The following KRI1 variants were observed in gnomAD, a reference collection of about 807,000 sequenced individuals.
The protein encoded by KRI1 is KRI1 homolog, also known as protein KRI1 homolog.
KRI1 carries 83 observed loss-of-function variants against 97.0 expected under a neutral mutation model. That is an observed-to-expected ratio of 0.86 (90% CI 0.72 to 1.03). The LOEUF (loss-of-function observed/expected upper bound fraction) is 1.03, where lower values mean the gene tolerates loss of function less well. Among genes scored for constraint, KRI1 ranks in the 50% least tolerant of loss-of-function variants. KRI1 has a pLI of 0.00. For missense variants in KRI1, 916 were observed against 928.4 expected (o/e 0.99, Z 0.17); for synonymous variants, 371 against 363.5 (o/e 1.02, Z -0.23).
intron 9 of KRI1, 79 bp from the exon 10 acceptor site, chr19:10,560,015 A>G (rs1916644782): frequency 1.3e-6 from 2 of 1,530,426 alleles, no homozygotes; most frequent in East Asian, 2.3e-5. Flanking sequence ...CTGGGTACGA[A>G]GCGTATGAAC....
chr19:10,553,214 G>C lies in KRI1; in HGVS notation c.*737C>G, dbSNP rs1916360844. The C allele has an allele frequency of 9.6e-7, 1 of 1,046,568 alleles. No homozygotes were observed. The highest frequency in any genetic ancestry group is 1.3e-6 in the Non-Finnish European group (1 of 746,384). The allele number at this position is 1,046,568 out of a possible 1,614,324, so 64.8% of individuals were successfully genotyped here. A position where few individuals can be genotyped will look rare whatever the true frequency, so the allele number is the denominator to read the frequency against. On this transcript the variant is annotated 3_prime_UTR_variant, in exon 19 of 19. Transcript: ENST00000312962. ...GCTGCAACCAGTCTGGGGCCATTCA[G>C]CCAGGGACAGAGCCCACAGAGCCCA...
chr19:10,562,002 G>T (rs1916717536), intron 4 of KRI1, among the ~76,000 whole-genome samples, 157 bp from the exon 5 acceptor site: 1 of 151,608 alleles, frequency 6.6e-6, no homozygotes, highest in Non-Finnish European at 1.5e-5. Context: ...TGCGATTCTG[G>T]TGAGTTTCCA....
At chr19:10,555,390 CCAGG>C (rs1916476080) in intron 16 of KRI1, 41 bp from the exon 17 acceptor site, 9 of 1,604,080 alleles carry the variant, frequency 5.6e-6, no homozygotes, top group Non-Finnish European at 6.8e-6. Flanking sequence ...GTGATATTGC[CCAGG>C]CGGGGCCTTC....
intron 4 of KRI1, 26 bp from the exon 5 acceptor site, chr19:10,561,871 G>C (rs777560223): frequency 1.2e-6 from 2 of 1,610,486 alleles, no homozygotes; most frequent in Admixed American, 3.3e-5. Flanking sequence ...GGGGTCTTCA[G>C]AATATATCTT....
chr19:10,558,324 T>C, intron 12 of KRI1, 85 bp from the exon 13 acceptor site: 1 of 1,299,560 alleles, frequency 7.7e-7, no homozygotes, highest in Non-Finnish European at 1.1e-6. Context: ...GACCCCCTCC[T>C]TGGCAACTTT....
Position 10,564,942 on chromosome 19 carries a change from G to A in KRI1, c.261C>T (p.Phe87=). The A allele has an allele frequency of 6.2e-7, 1 of 1,610,320 alleles. No homozygotes were observed. Among genetic ancestry groups the A allele is most frequent in the African/African-American group, 1.3e-5 (1 of 74,954 alleles). ...GTGGCCCCGGACCTGTTCTGTTATA[G>A]AAGGTGGCATCTTTCTGATAAATGC... ...DPRIYQKDAT[F]YNRTASSSDS... The change falls in exon 3 of 19, where the codon TTC becomes TTT. Residue 87 remains phenylalanine (F), a synonymous_variant. Coordinates refer to ENST00000312962, the MANE Select transcript of KRI1 (RefSeq NM_023008.5).
rs1916624892 is a variant in KRI1 at position 10,559,540 on chromosome 19, A to G, written c.1024-11T>C. 1.2e-6 allele frequency: 2 copies of G among 1,613,806 alleles called. No homozygotes were observed. The highest frequency in any genetic ancestry group is 2.2e-5 in the East Asian group (1 of 44,856). On this transcript the variant is annotated splice_polypyrimidine_tract_variant and intron_variant, in intron 11 of 18. Coordinates refer to ENST00000312962, the MANE Select transcript of KRI1 (RefSeq NM_023008.5). ...CTTCTTTGCTTTCTCCTGCAGGCCC[A>G]GGCAGAGAGGGGGAGGGCATGGGCT...
intron 12 of KRI1, among the ~76,000 whole-genome samples, chr19:10,558,577 T>G (rs1916593464): frequency 6.6e-6 from 1 of 152,108 alleles, no homozygotes; most frequent in Non-Finnish European, 1.5e-5. Flanking sequence ...AATTTCGCTC[T>G]TGTTGCCCAA....
chr19:10,558,067 G>T lies in KRI1; in HGVS notation c.1271-7C>A. ...GTGTCCCAGTTCCAGTCGTCTGGATGCAGGGAGAACAGACAGGTGGGGCCA... is the reference window on the plus strand; with the variant it reads ...GTGTCCCAGTTCCAGTCGTCTGGATTCAGGGAGAACAGACAGGTGGGGCCA... On this transcript the variant is annotated splice_polypyrimidine_tract_variant and splice_region_variant and intron_variant, in intron 13 of 18. Coordinates refer to ENST00000312962, the MANE Select transcript of KRI1 (RefSeq NM_023008.5). 1 of 1,614,044 alleles carries T rather than the reference G, an allele frequency of 6.2e-7. No homozygotes were observed. Among genetic ancestry groups the T allele is most frequent in the South Asian group, 1.1e-5 (1 of 91,076 alleles).
At position 10,558,232 on chromosome 19, in the gene KRI1, A is replaced by G. The variant is rs1253130972; in HGVS notation, c.1202T>C (p.Phe401Ser). Residue 401 changes from phenylalanine to serine, a missense_variant, in exon 13 of 19, where the codon TTT becomes TCT. Transcript: ENST00000312962. ...AQHDQLMQKC[F>S]GDEYYGAVEE... Reference sequence around the variant, plus strand: ...CACGGCCCCGTAGTACTCGTCCCCAAAGCACTTCTGCAGGGTCAGGGCTGG... The same window carrying G: ...CACGGCCCCGTAGTACTCGTCCCCAGAGCACTTCTGCAGGGTCAGGGCTGG... The G allele has an allele frequency of 1.2e-6, 2 of 1,613,870 alleles. No homozygotes were observed. The highest frequency in any genetic ancestry group is 1.6e-4 in the Middle Eastern group (1 of 6,062).
In KRI1 at chr19:10,561,817, C is replaced by T. The variant is rs12984043; in HGVS notation, c.412G>A (p.Gly138Arg). 0.36 allele frequency: 587,733 copies of T among 1,612,714 alleles called. 110,512 individuals carry two copies. The highest frequency in any genetic ancestry group is 0.39 in the Non-Finnish European group (457,675 of 1,178,998). Residue 138 changes from glycine (G) to arginine (R), a missense_variant, in exon 5 of 19, where the codon GGG (glycine) becomes AGG (arginine). This residue lies in a region of KRI1 where 71 missense variants were observed against 108.1 expected (regional missense o/e 0.66). Transcript: ENST00000312962. ...GKYVDEENSDGETSNHRLQET... is the reference protein window; with the variant it reads ...GKYVDEENSDRETSNHRLQET... ...TGGAGTCTGTGATTGGAAGTCTCCC[C>T]GTCTGAGTTCTCCTCATCAACATAT... is the stretch of plus-strand genomic sequence containing the variant.
Position 10,560,013 on chromosome 19 carries a change from G to A in KRI1, c.801-77C>T, listed in dbSNP as rs1394464209. ...CCCCCTTTCCTGCACGCCTGGGTAC[G>A]AAGCGTATGAACTCATTTAATCCTC... On this transcript the variant is annotated intron_variant, in intron 9 of 18. Transcript: ENST00000312962. 1.2e-5 allele frequency: 19 copies of A among 1,526,900 alleles called. No homozygotes were observed. In the South Asian group the frequency reaches 1.4e-4, roughly 11 times the overall value. The allele number at this position is 1,526,900 out of a possible 1,614,324, so 94.6% of individuals were successfully genotyped here. A position where few individuals can be genotyped will look rare whatever the true frequency, so the allele number is the denominator to read the frequency against.
rs1008272690 is a variant in KRI1 at position 10,553,310 on chromosome 19, G to A, written c.*641C>T. ...GGAGGACCCCGGGCACCCCCCTCAG[G>A]GCCTGACTCACGTACTGTAGTTTGC... On this transcript the variant is annotated 3_prime_UTR_variant, in exon 19 of 19. Transcript: ENST00000312962. The A allele has an allele frequency of 3.9e-6, 2 of 507,714 alleles. No individual in the cohort carries two copies. The highest frequency in any genetic ancestry group is 7.0e-6 in the Non-Finnish European group (2 of 286,596). 31.5% of individuals were successfully genotyped at this position (507,714 alleles called of 1,614,324 possible).
rs1916546234 is a variant in KRI1, at chr19:10,557,659, G to A, written c.1510C>T (p.Leu504=). The A allele has an allele frequency of 3.7e-6, 6 of 1,614,180 alleles. No individual in the cohort carries two copies. The highest frequency in any genetic ancestry group is 5.1e-6 in the Non-Finnish European group (6 of 1,180,034). The part of the protein sequence containing the change: ...EPGDKTFEEY[L]DEYYRLDYED... ...TAGTCCAGCCGGTAATACTCATCCA[G>A]GTACTCCTCGAACGTCTTGTCCCCT... Residue 504 remains leucine (L), a synonymous_variant, in exon 16 of 19, where the codon CTG becomes TTG. Coordinates refer to ENST00000312962, the MANE Select transcript of KRI1 (RefSeq NM_023008.5).
At position 10,554,210 on chromosome 19, in the gene KRI1, G is replaced by A. The variant is rs781481317; in HGVS notation, c.1853C>T (p.Ala618Val). ...CGGCCCCATCAAGCTGCCATCAAGG[G>A]CTGGCAGCTGCCTCTGTGGGCCGGC... ...DEAGPQRQLP[A>V]LDGSLMGPES... Residue 618 changes from alanine to valine, a missense_variant, in exon 19 of 19, where the codon GCC (alanine) becomes GTC (valine). Coordinates refer to ENST00000312962, the MANE Select transcript of KRI1 (RefSeq NM_023008.5). The A allele has an allele frequency of 1.2e-6, 2 of 1,613,956 alleles. No homozygotes were observed. Among genetic ancestry groups the A allele is most frequent in the Non-Finnish European group, 8.5e-7 (1 of 1,180,010 alleles).
chr19:10,561,002 C>A lies in KRI1; in HGVS notation c.663+1G>T. The A allele has an allele frequency of 6.2e-7, 1 of 1,612,784 alleles. No homozygotes were observed. The highest frequency in any genetic ancestry group is 8.5e-7 in the Non-Finnish European group (1 of 1,178,738). On this transcript the variant is annotated splice_donor_variant, in intron 8 of 18. Coordinates refer to ENST00000312962, the MANE Select transcript of KRI1 (RefSeq NM_023008.5). LOFTEE classifies it high-confidence loss of function. ...ATCAGCGACCATGCGTGAGAACTCA[C>A]CAGTTCCTTCAGGGAATCTGGGTTC...
Position 10,554,173 on chromosome 19 carries a change from T to C in KRI1, c.1890A>G (p.Pro630=). 4 of 1,613,804 alleles carry C rather than the reference T, an allele frequency of 2.5e-6. No homozygotes were observed. The highest frequency in any genetic ancestry group is 3.4e-6 in the Non-Finnish European group (4 of 1,179,840). The part of the protein sequence containing the change: ...DGSLMGPESP[P]AQEEEAPVSP... ...ATACAGGGGCTTCCTCTTCCTGTGC[T>C]GGGGGACTCTCCGGCCCCATCAAGC... Residue 630 remains proline (P), a synonymous_variant, in exon 19 of 19, where the codon CCA becomes CCG. Coordinates refer to ENST00000312962, the MANE Select transcript of KRI1 (RefSeq NM_023008.5).
intron 18 of KRI1, among the ~76,000 whole-genome samples, chr19:10,554,796 TG>T (rs1916445374): frequency 6.6e-6 from 1 of 152,210 alleles, no homozygotes; most frequent in African/African-American, 2.4e-5. Flanking sequence ...CTAAGACCTA[TG>T]GGGCATTTAC....
Position 10,554,178 on chromosome 19 carries a change from G to T in KRI1, c.1885C>A (p.Pro629Thr), listed in dbSNP as rs1355206848. ...GGGGCTTCCTCTTCCTGTGCTGGGG[G>T]ACTCTCCGGCCCCATCAAGCTGCCA... ...LDGSLMGPESPPAQEEEAPVS... is the reference protein window; with the variant it reads ...LDGSLMGPESTPAQEEEAPVS... The change falls in exon 19 of 19, where the codon CCC becomes ACC. Residue 629 changes from proline to threonine, a missense_variant. This residue lies in a region of KRI1 where 672 missense variants were observed against 667.2 expected (regional missense o/e 1.01). Coordinates refer to ENST00000312962, the MANE Select transcript of KRI1 (RefSeq NM_023008.5). 1 of 1,613,716 alleles carries T rather than the reference G, an allele frequency of 6.2e-7. No individual in the cohort carries two copies. Among genetic ancestry groups the T allele is most frequent in the East Asian group, 2.2e-5 (1 of 44,862 alleles).
Sources: gnomAD v4.1 joint callset for allele counts (sites outside exome capture counted in the v4.1 genomes callset) on GRCh38, gnomAD v4.1.1 for gene constraint, gnomAD v4.1.1 regional missense constraint, MANE v1.5 for transcripts, NCBI Gene and HGNC (gene_info 2026-07-23, HGNC 2026-07-21) for gene names.